RGS20: variants seen among roughly 807,000 people sequenced by gnomAD.
RGS20 encodes the protein regulator of G protein signaling 20.
A neutral mutation model predicts 33.6 loss-of-function variants in RGS20; 30 were observed. The observed-to-expected ratio is 0.89, with a 90% confidence interval of 0.67 to 1.21. The LOEUF is 1.21. Among genes scored for constraint, RGS20 ranks in the 50% most tolerant of loss-of-function variants. The probability of loss-of-function intolerance (pLI) is 0.00; values close to 1 mark genes in which losing one functional copy is unlikely to be tolerated. For missense variants in RGS20, 472 were observed against 502.4 expected (o/e 0.94, Z 0.58); for synonymous variants, 208 against 197.9 (o/e 1.05, Z -0.43).
chr8:53,900,773 C>G (rs992086165), intron 2 of RGS20, among the ~76,000 whole-genome samples: 1 of 152,164 alleles, frequency 6.6e-6, no homozygotes, highest in Non-Finnish European at 1.5e-5. Context: ...ACCCTATGCT[C>G]TCCTCCCGCT....
Position 53,862,709 on chromosome 8 carries a change from G to C in RGS20, c.165+10645G>C, listed in dbSNP as rs554441434. ...AGCTACTCAGGAGGCTGAGGCATGA[G>C]GATTGCTTGAGCCCAGGAGTTAGAG... On this transcript the variant is annotated intron_variant, in intron 1 of 5. Transcript: ENST00000297313. 2.0e-3 allele frequency among the ~76,000 whole-genome samples: 301 copies of C among 152,184 alleles called. 1 individual carries two copies. Among genetic ancestry groups the C allele is most frequent in the Non-Finnish European group, 2.1e-3 (146 of 68,036 alleles).
chr8:53,870,994 C>A (rs1325569323), intron 1 of RGS20, among the ~76,000 whole-genome samples: 1 of 151,384 alleles, frequency 6.6e-6, no homozygotes, highest in Non-Finnish European at 1.5e-5. Flanking sequence ...GCCTGTAACC[C>A]CAGCTACTCA....
chr8:53,918,715 C>T (rs1813565908), intron 2 of RGS20, among the ~76,000 whole-genome samples: 1 of 152,138 alleles, frequency 6.6e-6, no homozygotes, highest in African/African-American at 2.4e-5. Flanking sequence ...CAAGGCTCAT[C>T]CATGTTGTAG....
In RGS20 at chr8:53,879,275, G is replaced by C. The variant is rs765998709; in HGVS notation, c.183G>C (p.Gln61His). 2.5e-6 allele frequency: 4 copies of C among 1,613,730 alleles called. No individual in the cohort carries two copies. Among genetic ancestry groups the C allele is most frequent in the Non-Finnish European group, 2.5e-6 (3 of 1,179,926 alleles). ...CACCCCAGTCCTTCCCGCCTGCACA[G>C]CTCCCAGACTCGCCCGCCGCCCCGA... is the stretch of plus-strand genomic sequence containing the variant. Residue 61 changes from glutamine to histidine, a missense_variant, in exon 2 of 6, where the codon CAG becomes CAC. Coordinates refer to ENST00000297313, the MANE Select transcript of RGS20 (RefSeq NM_170587.4).
At chr8:53,858,892 T>TAA (rs76466731) in intron 1 of RGS20, among the ~76,000 whole-genome samples, 1,664 of 84,484 alleles carry the variant, frequency 0.02, 52 homozygotes, top group African/African-American at 0.061. Flanking sequence ...GGGTTATGTT[T>TAA]AAAAAAAAAA....
intron 2 of RGS20, among the ~76,000 whole-genome samples, chr8:53,893,861 A>C (rs1436533385): frequency 1.2e-4 from 18 of 152,364 alleles, no homozygotes; most frequent in Non-Finnish European, 1.5e-5. Context: ...AAAAAGGATA[A>C]AATTATGCAA....
At chr8:53,946,537 T>A (rs1337549488) in intron 3 of RGS20, 128 bp from the exon 3 acceptor site, 2 of 844,180 alleles carry the variant, frequency 2.4e-6, no homozygotes, top group East Asian at 5.0e-5. Context: ...TGGGGTCATT[T>A]TTTTTTCCAA....
chr8:53,869,902 A>G (rs1241932587), intron 1 of RGS20, among the ~76,000 whole-genome samples: 4 of 152,016 alleles, frequency 2.6e-5, no homozygotes, highest in Non-Finnish European at 1.5e-5. Flanking sequence ...GACTGAGTGG[A>G]GGGTTCTCCT....
chr8:53,935,069 A>C (rs1814091266), intron 2 of RGS20, among the ~76,000 whole-genome samples: 1 of 152,232 alleles, frequency 6.6e-6, no homozygotes, highest in South Asian at 2.1e-4. Flanking sequence ...CAATGAGAAC[A>C]AAGACACAAC....
chr8:53,941,567 C>G (rs866713325), intron 3 of RGS20, among the ~76,000 whole-genome samples: 1 of 152,170 alleles, frequency 6.6e-6, no homozygotes, highest in East Asian at 1.9e-4. Context: ...TGTAAACAAT[C>G]TCATGTCAAT....
intron 2 of RGS20, among the ~76,000 whole-genome samples, chr8:53,910,023 T>C (rs1813310262): frequency 6.6e-6 from 1 of 152,210 alleles, no homozygotes; most frequent in Non-Finnish European, 1.5e-5. Context: ...ATACATTTTA[T>C]TAAATTCCCT....
At chr8:53,907,291 A>T (rs956393334) in intron 2 of RGS20, among the ~76,000 whole-genome samples, 3 of 152,040 alleles carry the variant, frequency 2.0e-5, no homozygotes, top group African/African-American at 4.8e-5. Flanking sequence ...ATCTATTAAG[A>T]TTTAAAGAAT....
At chr8:53,905,885 G>A (rs549973100) in intron 2 of RGS20, among the ~76,000 whole-genome samples, 2 of 152,170 alleles carry the variant, frequency 1.3e-5, no homozygotes, top group Non-Finnish European at 2.9e-5. Flanking sequence ...GGTTCTGGAA[G>A]CCTAGAGCCC....
intron 2 of RGS20, among the ~76,000 whole-genome samples, chr8:53,926,772 T>C (rs955003740): frequency 1.3e-5 from 2 of 151,470 alleles, no homozygotes; most frequent in Non-Finnish European, 2.9e-5. Context: ...ATTAGCCAGG[T>C]GTGGTGGTGG....
intron 3 of RGS20, chr8:53,945,413 T>G (rs1227163640): frequency 1.3e-5 from 2 of 152,130 alleles, no homozygotes; most frequent in Non-Finnish European, 2.9e-5. Flanking sequence ...AGGAAGCGGA[T>G]TCGTGCTTGC....
At chr8:53,909,168 C>G in intron 2 of RGS20, among the ~76,000 whole-genome samples, 1 of 115,638 alleles carries the variant, frequency 8.6e-6, no homozygotes, top group Non-Finnish European at 1.7e-5. Context: ...GTACTGGGTC[C>G]ATTTGATTCT....
At chr8:53,918,984 T>A (rs1813572178) in intron 2 of RGS20, among the ~76,000 whole-genome samples, 1 of 152,252 alleles carries the variant, frequency 6.6e-6, no homozygotes, top group Non-Finnish European at 1.5e-5. Context: ...TTTGAGGACC[T>A]GTCAAACTGT....
At chr8:53,944,610 G>C (rs1295653574) in intron 3 of RGS20, among the ~76,000 whole-genome samples, 1 of 151,444 alleles carries the variant, frequency 6.6e-6, no homozygotes, top group Non-Finnish European at 1.5e-5. Flanking sequence ...ATTGGAAATA[G>C]GTAAAATTCT....
intron 2 of RGS20, among the ~76,000 whole-genome samples, chr8:53,885,251 C>T (rs1213189956): frequency 1.3e-5 from 2 of 152,190 alleles, no homozygotes; most frequent in Non-Finnish European, 2.9e-5. Flanking sequence ...CATCTAACCA[C>T]ATTCACCTTC....
Sources: allele counts gnomAD v4.1 joint callset (sites outside exome capture counted in the v4.1 genomes callset), GRCh38; gene constraint gnomAD v4.1.1; transcripts MANE v1.5; gene names NCBI Gene and HGNC (gene_info 2026-07-23, HGNC 2026-07-21).